SNTG1: variants seen among roughly 807,000 people sequenced by gnomAD.
The protein encoded by SNTG1 is gamma-1-syntrophin.
A neutral mutation model predicts 74.7 loss-of-function variants in SNTG1; 39 were observed. The ratio of observed to expected loss-of-function variants is 0.52; its 90% CI spans 0.40 to 0.68. The LOEUF is 0.68. SNTG1 is among the 30% of genes least tolerant of loss of function. SNTG1 has a pLI of 0.00. For synonymous variants in SNTG1, 254 were observed against 217.1 expected (o/e 1.17, Z -1.49); for missense variants, 685 against 609.5 (o/e 1.12, Z -1.30).
chr8:50,065,627 G>A (rs942663483), intron 1 of SNTG1, among the ~76,000 whole-genome samples: 4 of 151,998 alleles, frequency 2.6e-5, no homozygotes, highest in Non-Finnish European at 5.9e-5. Flanking sequence ...TATTATAGAC[G>A]TTTTCAGGAT....
intron 1 of SNTG1, among the ~76,000 whole-genome samples, chr8:49,995,686 A>C (rs1440917336): frequency 6.6e-6 from 1 of 152,198 alleles, no homozygotes; most frequent in African/African-American, 2.4e-5. Context: ...AGGCATTGGA[A>C]TCTCTGCTCA....
At chr8:50,292,117 G>C (rs765024412) in intron 2 of SNTG1, among the ~76,000 whole-genome samples, 69 of 152,118 alleles carry the variant, frequency 4.5e-4, no homozygotes, top group Non-Finnish European at 8.1e-4. Context: ...TGAAAATACG[G>C]TATCCATCAG....
intron 1 of SNTG1, among the ~76,000 whole-genome samples, chr8:50,003,315 A>G (rs1372245631): frequency 2.0e-5 from 3 of 152,188 alleles, no homozygotes; most frequent in Admixed American, 2.0e-4. Flanking sequence ...AAGGGCAAGG[A>G]AGATATTTAT....
At chr8:50,113,102 GA>G (rs1269265383) in intron 1 of SNTG1, among the ~76,000 whole-genome samples, 1 of 152,102 alleles carries the variant, frequency 6.6e-6, no homozygotes, top group Non-Finnish European at 1.5e-5. Context: ...GGTTCCATAT[GA>G]ATTTTAAAGT....
At chr8:50,632,458 G>GCAC (rs2095007518) in intron 13 of SNTG1, among the ~76,000 whole-genome samples, 1 of 151,962 alleles carries the variant, frequency 6.6e-6, no homozygotes, top group Non-Finnish European at 1.5e-5. Flanking sequence ...CCACAGGCAT[G>GCAC]CACCACCACA....
intron 4 of SNTG1, among the ~76,000 whole-genome samples, chr8:50,432,711 T>A (rs962937267): frequency 6.6e-6 from 1 of 152,042 alleles, no homozygotes; most frequent in African/African-American, 2.4e-5. Flanking sequence ...GTTTCATATA[T>A]AAATCCTATT....
chr8:50,244,423 TC>T (rs1164265722), intron 2 of SNTG1, among the ~76,000 whole-genome samples: 1 of 152,080 alleles, frequency 6.6e-6, no homozygotes. Flanking sequence ...GCCTACAAAA[TC>T]CAACCTTAGA....
intron 4 of SNTG1, among the ~76,000 whole-genome samples, chr8:50,420,030 A>G (rs2093062416): frequency 6.6e-6 from 1 of 152,094 alleles, no homozygotes; most frequent in African/African-American, 2.4e-5. Context: ...TGTCTCAGGG[A>G]CCCATGAAAA....
At chr8:50,349,192 A>C (rs1040975827) in intron 2 of SNTG1, among the ~76,000 whole-genome samples, 1 of 152,188 alleles carries the variant, frequency 6.6e-6, no homozygotes, top group African/African-American at 2.4e-5. Flanking sequence ...AAGAATAAGA[A>C]AATATTTTAT....
chr8:50,247,131 T>C (rs1367465061), intron 2 of SNTG1, among the ~76,000 whole-genome samples: 1 of 152,150 alleles, frequency 6.6e-6, no homozygotes, highest in Admixed American at 6.6e-5. Context: ...TTGGTCCTTT[T>C]CCATTAGGGA....
intron 1 of SNTG1, among the ~76,000 whole-genome samples, chr8:50,113,557 T>G (rs1203389570): frequency 6.6e-6 from 1 of 152,308 alleles, no homozygotes; most frequent in African/African-American, 2.4e-5. Flanking sequence ...CCTTTTTTCC[T>G]AATTGAATAC....
At chr8:50,528,673 G>A (rs2094241367) in intron 9 of SNTG1, among the ~76,000 whole-genome samples, 1 of 151,470 alleles carries the variant, frequency 6.6e-6, no homozygotes, top group African/African-American at 2.4e-5. Context: ...CTTCAACTAA[G>A]TTGTCAATTT....
intron 2 of SNTG1, among the ~76,000 whole-genome samples, chr8:50,386,346 T>A (rs1353649079): frequency 6.6e-6 from 1 of 152,098 alleles, no homozygotes; most frequent in African/African-American, 2.4e-5. Context: ...TGTCTGGTAG[T>A]TGCTGAAAGA....
chr8:50,544,492 T>G (rs1253200622), intron 11 of SNTG1, among the ~76,000 whole-genome samples: 1 of 152,062 alleles, frequency 6.6e-6, no homozygotes, highest in Non-Finnish European at 1.5e-5. Flanking sequence ...AGAATGTATA[T>G]TTTTTAAAAG....
chr8:50,556,658 T>C, intron 12 of SNTG1, among the ~76,000 whole-genome samples: 1 of 152,178 alleles, frequency 6.6e-6, no homozygotes, highest in Non-Finnish European at 1.5e-5. Context: ...TTGGGAACCT[T>C]GGAAATAAGT....
chr8:50,485,795 T>C (rs1410902619), intron 8 of SNTG1, among the ~76,000 whole-genome samples: 1 of 151,004 alleles, frequency 6.6e-6, no homozygotes, highest in East Asian at 1.9e-4. Context: ...AGGGTTTTTA[T>C]GGTTTTAGGT....
At chr8:50,383,466 G>A (rs1208464243) in intron 2 of SNTG1, among the ~76,000 whole-genome samples, 4 of 152,186 alleles carry the variant, frequency 2.6e-5, no homozygotes, top group African/African-American at 9.7e-5. Context: ...ATATATGTTT[G>A]TAAGTGTACA....
chr8:50,579,588 G>C (rs968618890), intron 12 of SNTG1, among the ~76,000 whole-genome samples: 1 of 152,146 alleles, frequency 6.6e-6, no homozygotes, highest in Admixed American at 6.5e-5. Context: ...CATCCCTGGG[G>C]CATGGTGCCC....
intron 18 of SNTG1, among the ~76,000 whole-genome samples, chr8:50,766,210 C>T (rs2131763020): frequency 6.6e-6 from 1 of 152,054 alleles, no homozygotes; most frequent in Middle Eastern, 3.4e-3. Flanking sequence ...AAATATTGAA[C>T]AACATTCATT....
Sources: gnomAD v4.1 joint callset for allele counts (sites outside exome capture counted in the v4.1 genomes callset) on GRCh38, gnomAD v4.1.1 for gene constraint, MANE v1.5 for transcripts, NCBI Gene and HGNC (gene_info 2026-07-23, HGNC 2026-07-21) for gene names.